The following SRD5A2 variants were observed in gnomAD, a reference collection of about 807,000 sequenced individuals.
SRD5A2 encodes the protein steroid 5 alpha-reductase 2.
SRD5A2 carries 30 observed loss-of-function variants against 27.4 expected under a neutral mutation model. That is an observed-to-expected ratio of 1.10 (90% CI 0.82 to 1.49). The LOEUF (loss-of-function observed/expected upper bound fraction) is 1.49. SRD5A2 is among the 40% of genes most tolerant of loss of function. The pLI is 0.00. For synonymous variants in SRD5A2, 141 were observed against 133.6 expected (o/e 1.06, Z -0.38); for missense variants, 348 against 323.4 (o/e 1.08, Z -0.58).
chr2:31,573,312 T>A (rs369347662), intron 1 of SRD5A2, among the ~76,000 whole-genome samples: 7 of 152,352 alleles, frequency 4.6e-5, no homozygotes, highest in African/African-American at 1.7e-4. Flanking sequence ...CTCCCTTCTA[T>A]AACCAAATGG....
intron 1 of SRD5A2, among the ~76,000 whole-genome samples, chr2:31,578,674 G>T (rs887447014): frequency 2.0e-5 from 3 of 152,152 alleles, no homozygotes; most frequent in Admixed American, 2.0e-4. Flanking sequence ...CTTCCAGTGG[G>T]CAATTTTCCC....
At chr2:31,552,664 G>T (rs1666403498) in intron 1 of SRD5A2, among the ~76,000 whole-genome samples, 1 of 152,070 alleles carries the variant, frequency 6.6e-6, no homozygotes, top group South Asian at 2.1e-4. Context: ...CAACCCAAAG[G>T]ACTGACAGAA....
chr2:31,601,701 AG>A, the SRD5A2 span, among the ~76,000 whole-genome samples: 1 of 152,106 alleles, frequency 6.6e-6, no homozygotes, highest in African/African-American at 2.4e-5. Flanking sequence ...CACATCCAAA[AG>A]CTCATCCACC....
chr2:31,626,683 G>T, the SRD5A2 span, among the ~76,000 whole-genome samples: 43 of 152,252 alleles, frequency 2.8e-4, no homozygotes, highest in African/African-American at 1.0e-3. Context: ...TGTTGAACCA[G>T]CCTTGCATCC....
At chr2:31,533,571 G>C (rs754342424) in intron 2 of SRD5A2, 32 bp downstream of exon 2, 1 of 1,546,540 alleles carries the variant, frequency 6.5e-7, no homozygotes, top group Admixed American at 2.0e-5. Flanking sequence ...TGTTAGCTGG[G>C]AAGTAGGTGA....
At chr2:31,626,891 T>G in the SRD5A2 span, among the ~76,000 whole-genome samples, 1 of 152,164 alleles carries the variant, frequency 6.6e-6, no homozygotes, top group Admixed American at 6.6e-5. Flanking sequence ...TTAGGGAGGA[T>G]TCCCTCTCTT....
chr2:31,622,719 A>G, the SRD5A2 span, among the ~76,000 whole-genome samples: 1 of 152,072 alleles, frequency 6.6e-6, no homozygotes, highest in African/African-American at 2.4e-5. Context: ...GTAAACCACC[A>G]TATAGTGACC....
chr2:31,634,157 C>CAA, the SRD5A2 span, among the ~76,000 whole-genome samples: 71 of 148,958 alleles, frequency 4.8e-4, no homozygotes, highest in Middle Eastern at 3.5e-3. Context: ...CTTGCAACTG[C>CAA]AAAAAAAAAA....
the SRD5A2 span, among the ~76,000 whole-genome samples, chr2:31,647,005 C>T: frequency 2.6e-5 from 4 of 151,892 alleles, no homozygotes; most frequent in Non-Finnish European, 5.9e-5. Flanking sequence ...ATTAGTGAGA[C>T]GTCATGGTGG....
the SRD5A2 span, among the ~76,000 whole-genome samples, chr2:31,601,605 T>C: frequency 1.3e-5 from 2 of 151,182 alleles, no homozygotes; most frequent in Non-Finnish European, 3.0e-5. Context: ...CTGGCAGAGA[T>C]ACAACGAAAA....
chr2:31,542,845 C>T (rs937855079), intron 1 of SRD5A2, among the ~76,000 whole-genome samples: 2 of 151,940 alleles, frequency 1.3e-5, no homozygotes, highest in South Asian at 2.1e-4. Flanking sequence ...GAGTCCCAGA[C>T]AACGCAGAGA....
the SRD5A2 span, among the ~76,000 whole-genome samples, chr2:31,630,687 A>C: frequency 2.0e-5 from 3 of 152,228 alleles, no homozygotes; most frequent in Admixed American, 2.0e-4. Context: ...ACCAATTCAG[A>C]ATTATTCTAA....
the SRD5A2 span, among the ~76,000 whole-genome samples, chr2:31,607,379 G>A: frequency 6.6e-6 from 1 of 151,830 alleles, no homozygotes; most frequent in African/African-American, 2.4e-5. Context: ...AAGACAAAGA[G>A]GAAACCTTAA....
the SRD5A2 span, among the ~76,000 whole-genome samples, chr2:31,646,027 C>T: frequency 2.4e-3 from 367 of 152,212 alleles, no homozygotes; most frequent in Non-Finnish European, 3.7e-3. Context: ...AACTTTACCT[C>T]CTTCATCTTT....
the SRD5A2 span, among the ~76,000 whole-genome samples, chr2:31,646,598 T>C: frequency 1.3e-5 from 2 of 152,178 alleles, no homozygotes; most frequent in Non-Finnish European, 2.9e-5. Flanking sequence ...AACCATTACA[T>C]GGGCTTCCAT....
chr2:31,633,235 A>T, the SRD5A2 span, among the ~76,000 whole-genome samples: 1 of 152,296 alleles, frequency 6.6e-6, no homozygotes, highest in East Asian at 1.9e-4. Flanking sequence ...TCCCCTCGGG[A>T]TGGCTAGCCA....
chr2:31,644,014 T>G, the SRD5A2 span, among the ~76,000 whole-genome samples: 1 of 152,348 alleles, frequency 6.6e-6, no homozygotes, highest in African/African-American at 2.4e-5. Context: ...AATCAATTTA[T>G]TAATCATAGG....
chr2:31,646,329 G>C, the SRD5A2 span, among the ~76,000 whole-genome samples: 4 of 152,058 alleles, frequency 2.6e-5, no homozygotes, highest in Non-Finnish European at 2.9e-5. Flanking sequence ...TGTATGTCAG[G>C]CTCCAGGATC....
At chr2:31,604,298 G>C in the SRD5A2 span, among the ~76,000 whole-genome samples, 1 of 151,738 alleles carries the variant, frequency 6.6e-6, no homozygotes, top group South Asian at 2.1e-4. Flanking sequence ...GGATGGACAA[G>C]AGAAAGAAAT....
Sources: gnomAD v4.1 joint callset for allele counts (sites outside exome capture counted in the v4.1 genomes callset) on GRCh38, gnomAD v4.1.1 for gene constraint, MANE v1.5 for transcripts, NCBI Gene and HGNC (gene_info 2026-07-23, HGNC 2026-07-21) for gene names.